Variants in ZNF250 observed in about 807,000 individuals in gnomAD.
ZNF250 encodes the protein zinc finger protein 250.
In ZNF250, 13 loss-of-function variants were observed where a neutral mutation model predicts 37.1. The observed-to-expected ratio is 0.35, with a 90% CI of 0.23 to 0.56. The LOEUF is 0.56. Among genes scored for constraint, ZNF250 ranks in the 20% least tolerant of loss-of-function variants. The pLI, the probability that ZNF250 is intolerant of heterozygous loss-of-function variation, is 0.87. For missense variants in ZNF250, 474 were observed against 697.9 expected, an observed-to-expected ratio of 0.68 and a Z score of 3.61; for synonymous variants, 251 against 265.6, an observed-to-expected ratio of 0.94 and a Z score of 0.54.
chr8:144,899,201 G>C (rs1832931660), intron 1 of ZNF250, among the ~76,000 whole-genome samples: 1 of 152,008 alleles, frequency 6.6e-6, no homozygotes, highest in Non-Finnish European at 1.5e-5. Flanking sequence ...GTAGAGGGTA[G>C]AATGATGATT....
At chr8:144,892,556 G>T (rs552834703) in intron 1 of ZNF250, among the ~76,000 whole-genome samples, 20 of 151,556 alleles carry the variant, frequency 1.3e-4, no homozygotes, top group African/African-American at 2.9e-4. Flanking sequence ...CAATTTTTTT[G>T]TTTGTTTTTT....
intron 5 of ZNF250, among the ~76,000 whole-genome samples, chr8:144,885,513 G>A (rs1445037893): frequency 6.6e-6 from 1 of 152,100 alleles, no homozygotes; most frequent in Admixed American, 6.5e-5. Context: ...CACCCAGGCT[G>A]GAGTGCAGTG....
In ZNF250 at chr8:144,881,617, C is replaced by T. The variant is rs942498511; in HGVS notation, c.1566G>A (p.Arg522=). 1.9e-6 allele frequency: 3 copies of T among 1,613,676 alleles called. No homozygotes were observed. Among genetic ancestry groups the T allele is most frequent in the South Asian group, 1.1e-5 (1 of 91,050 alleles). ...CATAGGGCTTCTCGCCTGTGTGGAT[C>T]CGCTGGTGCTGGATGAGCACTGAGT... is the stretch of plus-strand genomic sequence containing the variant. ...SQYSVLIQHQ[R]IHTGEKPYEC... Residue 522 remains arginine (R), a synonymous_variant, in exon 6 of 6, where the codon CGG becomes CGA. Transcript: ENST00000417550.
At chr8:144,892,862 A>T (rs1273521381) in intron 1 of ZNF250, among the ~76,000 whole-genome samples, 3 of 135,152 alleles carry the variant, frequency 2.2e-5, no homozygotes, top group African/African-American at 5.6e-5. Flanking sequence ...CCAGCCACCA[A>T]TTTTTTTTTT....
At chr8:144,899,959 G>A (rs1832988776) in intron 1 of ZNF250, among the ~76,000 whole-genome samples, 1 of 152,066 alleles carries the variant, frequency 6.6e-6, no homozygotes, top group Non-Finnish European at 1.5e-5. Flanking sequence ...CAAAATATTT[G>A]ACTCCTAAAA....
At position 144,889,620 on chromosome 8, in the gene ZNF250, C is replaced by G. The variant is rs781581979; in HGVS notation, c.244G>C (p.Gly82Arg). 1 of 1,614,008 alleles carries G rather than the reference C, an allele frequency of 6.2e-7. No individual in the cohort carries two copies. Among genetic ancestry groups the G allele is most frequent in the South Asian group, 1.1e-5 (1 of 91,084 alleles). The change falls in exon 4 of 6, where the codon GGG becomes CGG. Residue 82 changes from glycine (G) to arginine (R), a missense_variant. By Grantham distance (125) the Gly-to-Arg change is moderately radical. This residue lies in a region of ZNF250 where 192 missense variants were observed against 227.5 expected (regional missense o/e 0.84). Transcript: ENST00000417550. ...CACAGGCCCTGGCTCTTCTTAGCCC[C>G]CTTCCTGTCCAGGACCCAGGGATCT... ...GEDPWVLDRK[G>R]AKKSQGLWSD... is the part of the protein sequence containing the mutation.
In ZNF250 at chr8:144,881,298, A is replaced by G; in HGVS notation, c.*217T>C. ...TCTACAATTGTATGATTACTCTCCA[A>G]CATAACTTCAAGATGTTGAGGAAAA... On this transcript the variant is annotated 3_prime_UTR_variant, in exon 6 of 6. Transcript: ENST00000417550. The G allele has an allele frequency of 1.8e-6, 1 of 560,920 alleles. No individual in the cohort carries two copies. Among genetic ancestry groups the G allele is most frequent in the African/African-American group, 1.9e-5 (1 of 53,356 alleles). The allele number at this position is 560,920 out of a possible 1,614,324, so 34.7% of individuals were successfully genotyped here. A position where few individuals can be genotyped will look rare whatever the true frequency, so the allele number is the denominator to read the frequency against.
rs763911257 is a variant in ZNF250, at chr8:144,882,186, G to T, written c.997C>A (p.Pro333Thr). Residue 333 changes from proline to threonine, a missense_variant, in exon 6 of 6, where the codon CCT (proline) becomes ACT (threonine). Coordinates refer to ENST00000417550, the MANE Select transcript of ZNF250 (RefSeq NM_001109689.4). The surrounding 1 kb of genome is among the most constrained non-coding windows in gnomAD (Gnocchi z 5.5). ...SHQRVHTGEK[P>T]HRCNECGKTF... ...TTCCCACACTCATTGCACCTGTGAGGCTTCTCCCCAGTGTGTACCCTCTGG... is the reference window on the plus strand; with the variant it reads ...TTCCCACACTCATTGCACCTGTGAGTCTTCTCCCCAGTGTGTACCCTCTGG... 1.9e-6 allele frequency: 3 copies of T among 1,613,998 alleles called. No homozygotes were observed. Among genetic ancestry groups the T allele is most frequent in the East Asian group, 2.2e-5 (1 of 44,872 alleles).
At chr8:144,900,135 C>T (rs1563906101) in intron 1 of ZNF250, among the ~76,000 whole-genome samples, 1 of 152,182 alleles carries the variant, frequency 6.6e-6, no homozygotes, top group Non-Finnish European at 1.5e-5. Context: ...GGATTTCAAT[C>T]TCACCAATAA....
intron 5 of ZNF250, among the ~76,000 whole-genome samples, chr8:144,885,252 T>G (rs1164677504): frequency 2.6e-5 from 4 of 152,088 alleles, no homozygotes; most frequent in Admixed American, 6.6e-5. Flanking sequence ...CCCAAGTAGC[T>G]GGGATTACAG....
In ZNF250 at chr8:144,881,286, G is replaced by C. The variant is rs971644027; in HGVS notation, c.*229C>G. The C allele has an allele frequency of 6.0e-6, 3 of 498,004 alleles. No individual in the cohort carries two copies. The highest frequency in any genetic ancestry group is 6.6e-6 in the Non-Finnish European group (2 of 302,582). The allele number at this position is 498,004 out of a possible 1,614,324, so 30.8% of individuals were successfully genotyped here. On this transcript the variant is annotated 3_prime_UTR_variant, in exon 6 of 6. Transcript: ENST00000417550. ...TTACCAAAATTCTCTACAATTGTAT[G>C]ATTACTCTCCAACATAACTTCAAGA...
chr8:144,889,761 A>G, intron 3 of ZNF250, 67 bp from the exon 4 acceptor site: 1 of 1,518,098 alleles, frequency 6.6e-7, no homozygotes. Context: ...TGCCCAAGCC[A>G]CTTGTGGGGA....
Position 144,880,805 on chromosome 8 carries a change from C to T in ZNF250, c.*710G>A, listed in dbSNP as rs2129663975. 1 of 268,234 alleles carries T rather than the reference C, an allele frequency of 3.7e-6. No individual in the cohort carries two copies. Among genetic ancestry groups the T allele is most frequent in the South Asian group, 3.9e-5 (1 of 25,622 alleles). The allele number at this position is 268,234 out of a possible 1,614,324, so 16.6% of individuals were successfully genotyped here. Reference sequence around the variant, plus strand: ...CTTGAACCTGGGGTGGGGGCGGAGACTGCAGTGAGCCAAGATCATGCCACT... The same window carrying T: ...CTTGAACCTGGGGTGGGGGCGGAGATTGCAGTGAGCCAAGATCATGCCACT... On this transcript the variant is annotated 3_prime_UTR_variant, in exon 6 of 6. Coordinates refer to ENST00000417550, the MANE Select transcript of ZNF250 (RefSeq NM_001109689.4).
rs150423008 is a variant in ZNF250 at position 144,882,634 on chromosome 8, C to T, written c.549G>A (p.Pro183=). ...TCTCTCCACTAGGCACTGCCTGGTG[C>T]GGAGTGAGTGGCATGCTTTGGCTTA... is the stretch of plus-strand genomic sequence containing the variant. ...QVLSQSMPLT[P]HQAVPSGERP... Residue 183 remains proline (P), a synonymous_variant, in exon 6 of 6, where the codon CCG becomes CCA. Coordinates refer to ENST00000417550, the MANE Select transcript of ZNF250 (RefSeq NM_001109689.4). This position sits in a 1 kb window ranked among gnomAD's most constrained non-coding sequence, Gnocchi z 5.5. 9.3e-6 allele frequency: 15 copies of T among 1,613,922 alleles called. No homozygotes were observed. The highest frequency in any genetic ancestry group is 1.6e-4 in the Middle Eastern group (1 of 6,062).
At chr8:144,899,412 G>A (rs148060284) in intron 1 of ZNF250, among the ~76,000 whole-genome samples, 1 of 152,244 alleles carries the variant, frequency 6.6e-6, no homozygotes, top group East Asian at 1.9e-4. Context: ...AAAAAATGAT[G>A]TTTGAGGTGA....
rs1017328767 is a variant in ZNF250, at chr8:144,897,247, A to ATCCT, written c.-55+4148_-55+4151dup. 6.6e-6 allele frequency among the ~76,000 whole-genome samples: 1 copy of ATCCT among 152,040 alleles called. No homozygotes were observed. Among genetic ancestry groups the ATCCT allele is most frequent in the Admixed American group, 6.5e-5 (1 of 15,274 alleles). ...CCACTGCCTTCTCCTGCTCCTCATC[A>ATCCT]TCCTCACTCCCTGGACTTTCTGCTA... is the stretch of plus-strand genomic sequence containing the variant. On this transcript the variant is annotated intron_variant, in intron 1 of 5. Coordinates refer to ENST00000417550, the MANE Select transcript of ZNF250 (RefSeq NM_001109689.4). The surrounding 1 kb of genome is among the most constrained non-coding windows in gnomAD (Gnocchi z 5.2).
chr8:144,898,168 G>A (rs1353168642), intron 1 of ZNF250, among the ~76,000 whole-genome samples: 1 of 152,078 alleles, frequency 6.6e-6, no homozygotes, highest in Admixed American at 6.6e-5. Context: ...GTGGTGGCAC[G>A]TGCCTGTAAT....
intron 3 of ZNF250, 101 bp downstream of exon 3, chr8:144,889,832 C>A: frequency 6.7e-7 from 1 of 1,486,246 alleles, no homozygotes. Flanking sequence ...GTGATGAGAG[C>A]AAACCTCCAG....
rs780608616 is a variant in ZNF250, at chr8:144,882,353, G to A, written c.830C>T (p.Pro277Leu). Residue 277 changes from proline to leucine, a missense_variant, in exon 6 of 6, where the codon CCT becomes CTT. Around this residue, in one of 2 missense-constraint regions of ZNF250, gnomAD observed 282 missense variants for 470.4 expected, o/e 0.60. Transcript: ENST00000417550. The surrounding 1 kb of genome is among the most constrained non-coding windows in gnomAD (Gnocchi z 5.5). ...QHHKIHTGEK[P>L]HECLECRKAF... ...TTTCCGACACTCAAGACATTCGTGA[G>A]GCTTCTCTCCTGTATGTATCTTGTG... is the stretch of plus-strand genomic sequence containing the variant. 6.2e-7 allele frequency: 1 copy of A among 1,613,932 alleles called. No homozygotes were observed. The highest frequency in any genetic ancestry group is 8.5e-7 in the Non-Finnish European group (1 of 1,179,904).
Sources: allele counts gnomAD v4.1 joint callset (sites outside exome capture counted in the v4.1 genomes callset), GRCh38; gene constraint gnomAD v4.1.1; regional missense constraint gnomAD v4.1.1; non-coding constraint Gnocchi (gnomAD v3.1); transcripts MANE v1.5; gene names NCBI Gene and HGNC (gene_info 2026-07-23, HGNC 2026-07-21).